Variants in IFT140 observed in about 807,000 individuals in gnomAD.
The protein encoded by IFT140 is intraflagellar transport 140.
Under a neutral mutation model 164.6 loss-of-function variants are expected in IFT140, and 133 were observed. The observed-to-expected ratio is 0.81, with a 90% CI of 0.70 to 0.93. The LOEUF (loss-of-function observed/expected upper bound fraction) is 0.93, where lower values mean the gene tolerates loss of function less well. Among genes scored for constraint, IFT140 ranks in the 40% least tolerant of loss-of-function variants. The probability of loss-of-function intolerance (pLI) is 0.00; values close to 1 mark genes in which losing one functional copy is unlikely to be tolerated. For missense variants in IFT140, 2,045 were observed against 1,972.3 expected (o/e 1.04, Z -0.70); for synonymous variants, 860 against 817.3 (o/e 1.05, Z -0.89).
intron 7 of IFT140, among the ~76,000 whole-genome samples, 188 bp downstream of exon 7, chr16:1,589,417 G>T (rs924343563): frequency 6.6e-6 from 1 of 152,262 alleles, no homozygotes; most frequent in South Asian, 2.1e-4. Context: ...CATCTCTTTT[G>T]TTTCCTTCAC....
At chr16:1,592,621 G>C (rs1004518890) in intron 4 of IFT140, 33 bp from the exon 5 acceptor site, 1 of 1,594,738 alleles carries the variant, frequency 6.3e-7, no homozygotes, top group Non-Finnish European at 8.6e-7. Flanking sequence ...GTTAGGACAG[G>C]TGTCCCGGCA....
At chr16:1,602,618 A>G (rs779920877) in intron 3 of IFT140, 27 bp from the exon 4 acceptor site, 5 of 1,596,422 alleles carry the variant, frequency 3.1e-6, no homozygotes, top group Middle Eastern at 2.1e-4. Context: ...GCAAATTCCC[A>G]CAGTTCAGAG....
intron 13 of IFT140, among the ~76,000 whole-genome samples, chr16:1,575,379 AAAAT>A (rs910660848): frequency 2.0e-5 from 3 of 150,558 alleles, no homozygotes; most frequent in African/African-American, 7.4e-5. Flanking sequence ...TATCTGTAAA[AAAAT>A]AAATAAAAAT....
chr16:1,593,351 A>C (rs982171437), intron 4 of IFT140, among the ~76,000 whole-genome samples: 18 of 150,688 alleles, frequency 1.2e-4, no homozygotes, highest in African/African-American at 4.2e-4. Flanking sequence ...TCACTTTGTC[A>C]CTCAGGCTGG....
intron 4 of IFT140, among the ~76,000 whole-genome samples, chr16:1,597,002 G>C (rs2035496797): frequency 6.6e-6 from 1 of 152,204 alleles, no homozygotes; most frequent in South Asian, 2.1e-4. Flanking sequence ...CCAGAGTTAA[G>C]TGGACTAAGG....
chr16:1,536,342 GC>G (rs2031069653), intron 19 of IFT140, among the ~76,000 whole-genome samples: 1 of 152,168 alleles, frequency 6.6e-6, no homozygotes, highest in African/African-American at 2.4e-5. Flanking sequence ...CTCACCTCAG[GC>G]CAGCAGGACA....
intron 26 of IFT140, among the ~76,000 whole-genome samples, chr16:1,521,934 A>G (rs1283245753): frequency 6.9e-6 from 1 of 143,942 alleles, no homozygotes; most frequent in African/African-American, 2.7e-5. Context: ...AAAAAAAAAA[A>G]GAATATGGCT....
At chr16:1,559,873 A>G (rs942134682) in intron 18 of IFT140, among the ~76,000 whole-genome samples, 1 of 152,184 alleles carries the variant, frequency 6.6e-6, no homozygotes, top group Non-Finnish European at 1.5e-5. Context: ...ATGACACACG[A>G]CCTGGGCGTC....
At chr16:1,561,946 A>G in intron 18 of IFT140, 39 bp downstream of exon 18, 1 of 1,495,388 alleles carries the variant, frequency 6.7e-7, no homozygotes, top group Non-Finnish European at 8.9e-7. Flanking sequence ...GCAAGGGGAG[A>G]GATCAGAAGA....
chr16:1,594,688 GT>G (rs1399228967), intron 4 of IFT140, among the ~76,000 whole-genome samples: 1 of 152,242 alleles, frequency 6.6e-6, no homozygotes, highest in Non-Finnish European at 1.5e-5. Flanking sequence ...TGCGAGTGGA[GT>G]TCGGGAAGGG....
Position 1,518,578 on chromosome 16 carries a change from A to G in IFT140, c.4041-221T>C, listed in dbSNP as rs375828935. On this transcript the variant is annotated intron_variant, in intron 29 of 30. Coordinates refer to ENST00000426508, the MANE Select transcript of IFT140 (RefSeq NM_014714.4). ...CTTGAATGCTGGGTCCTATGCTTGGACTGAAGACCAAAGACTTCCGACCCC... is the reference window on the plus strand; with the variant it reads ...CTTGAATGCTGGGTCCTATGCTTGGGCTGAAGACCAAAGACTTCCGACCCC... 2.5e-4 allele frequency among the ~76,000 whole-genome samples: 38 copies of G among 152,082 alleles called. No homozygotes were observed. In the East Asian group the frequency reaches 4.3e-3, roughly 17 times the overall value.
intron 26 of IFT140, among the ~76,000 whole-genome samples, 172 bp downstream of exon 26, chr16:1,523,346 T>C (rs2040578307): frequency 6.6e-6 from 1 of 152,174 alleles, no homozygotes; most frequent in Non-Finnish European, 1.5e-5. Flanking sequence ...GAGTCTACAC[T>C]TGCGGACCTC....
intron 19 of IFT140, among the ~76,000 whole-genome samples, chr16:1,556,529 C>T (rs1446483576): frequency 6.6e-6 from 1 of 152,262 alleles, no homozygotes; most frequent in Admixed American, 6.5e-5. Context: ...TTGGCTGCTT[C>T]TGGCCTTCTA....
intron 4 of IFT140, among the ~76,000 whole-genome samples, chr16:1,594,681 G>A (rs181342086): frequency 5.2e-4 from 79 of 152,346 alleles, no homozygotes; most frequent in Non-Finnish European, 9.7e-4. Flanking sequence ...AGACAGGTGC[G>A]AGTGGAGTTC....
chr16:1,572,358 C>G (rs1052215268), intron 13 of IFT140, among the ~76,000 whole-genome samples: 11 of 152,192 alleles, frequency 7.2e-5, no homozygotes, highest in Non-Finnish European at 1.6e-4. Context: ...AGAAAGCATG[C>G]CCCACAGGCC....
intron 15 of IFT140, among the ~76,000 whole-genome samples, chr16:1,566,906 CAGGGCCACA>C (rs1396533328): frequency 6.6e-6 from 1 of 152,176 alleles, no homozygotes; most frequent in Non-Finnish European, 1.5e-5. Context: ...TCTGGGTTCT[CAGGGCCACA>C]GTGGCCACTG....
At chr16:1,573,043 A>C (rs956000587) in intron 13 of IFT140, among the ~76,000 whole-genome samples, 3 of 152,200 alleles carry the variant, frequency 2.0e-5, no homozygotes, top group African/African-American at 7.2e-5. Flanking sequence ...ACGGAAATCT[A>C]AACACAGACT....
At chr16:1,558,216 C>T in intron 18 of IFT140, 82 bp from the exon 19 acceptor site, 3 of 1,376,646 alleles carry the variant, frequency 2.2e-6, no homozygotes, top group Middle Eastern at 2.1e-4. Flanking sequence ...CTGGATTTAG[C>T]TCCCTTATGG....
At chr16:1,532,612 A>G (rs2030624205) in intron 19 of IFT140, 1 of 152,272 alleles carries the variant, frequency 6.6e-6, no homozygotes, top group Non-Finnish European at 1.5e-5. Flanking sequence ...ACAGGCTGGG[A>G]ACAGGACTCT....
Sources: gnomAD v4.1 joint callset for allele counts (sites outside exome capture counted in the v4.1 genomes callset) on GRCh38, gnomAD v4.1.1 for gene constraint, MANE v1.5 for transcripts, NCBI Gene and HGNC (gene_info 2026-07-23, HGNC 2026-07-21) for gene names.